Variants in SPIDR observed in about 807,000 individuals in gnomAD.
SPIDR encodes scaffold protein involved in DNA repair.
Under a neutral mutation model 104.6 loss-of-function variants are expected in SPIDR, and 93 were observed. That is an observed-to-expected ratio of 0.89 (90% CI 0.75 to 1.06). The LOEUF (loss-of-function observed/expected upper bound fraction) is 1.06. Ranked by LOEUF, SPIDR falls within the 50% of genes least tolerant of loss-of-function variation. The pLI is 0.00. For missense variants in SPIDR, 1,154 were observed against 1,111.2 expected (o/e 1.04, Z -0.55); for synonymous variants, 431 against 416.9 (o/e 1.03, Z -0.41).
At position 47,559,028 on chromosome 8, in the gene SPIDR, A is replaced by G. The variant is rs886677746; in HGVS notation, c.1098-36783A>G. On this transcript the variant is annotated intron_variant, in intron 8 of 19. Transcript: ENST00000297423. ...AAGGCAGTGATGGATCTTGTGCTGT[A>G]TCTGGCCCTTATCTGTAGATTTTAA... is the stretch of plus-strand genomic sequence containing the variant. Among the ~76,000 whole-genome samples the G allele has an allele frequency of 3.9e-5, 6 of 152,192 alleles. 1 individual carries two copies. Among genetic ancestry groups the G allele is most frequent in the African/African-American group, 1.2e-4 (5 of 41,450 alleles).
rs887806588 is a variant in SPIDR at position 47,285,927 on chromosome 8, A to G, written c.256+1833A>G. Among the ~76,000 whole-genome samples the G allele has an allele frequency of 4.6e-5, 7 of 152,250 alleles. No homozygotes were observed. In the East Asian group the frequency reaches 5.8e-4, roughly 13 times the overall value. On this transcript the variant is annotated intron_variant, in intron 3 of 19. Transcript: ENST00000297423. The stretch of plus-strand genomic sequence containing the variant: ...GTTCAGTGTGGCTAATATTTATCCT[A>G]CGGTTCCATTGGAATGAGCCTTGAT...
At chr8:47,532,144 C>T (rs555962604) in intron 8 of SPIDR, among the ~76,000 whole-genome samples, 1 of 148,658 alleles carries the variant, frequency 6.7e-6, no homozygotes, top group East Asian at 2.0e-4. Context: ...GATCTCGGCT[C>T]ACTGCAACCT....
At chr8:47,316,289 A>G (rs2045328803) in intron 5 of SPIDR, among the ~76,000 whole-genome samples, 1 of 152,242 alleles carries the variant, frequency 6.6e-6, no homozygotes, top group Admixed American at 6.5e-5. Context: ...AAAGAGTAAT[A>G]CTACCATATA....
At chr8:47,348,785 G>A (rs1229909271) in intron 5 of SPIDR, among the ~76,000 whole-genome samples, 3 of 152,122 alleles carry the variant, frequency 2.0e-5, no homozygotes, top group Non-Finnish European at 4.4e-5. Flanking sequence ...TCGTGCCGTG[G>A]CTTTCAGCTC....
intron 5 of SPIDR, among the ~76,000 whole-genome samples, chr8:47,349,731 G>A (rs2053040058): frequency 6.6e-6 from 1 of 152,238 alleles, no homozygotes; most frequent in African/African-American, 2.4e-5. Context: ...TCGGACTGCT[G>A]TGCTACCAGT....
chr8:47,290,349 A>C (rs1228314075), intron 3 of SPIDR, among the ~76,000 whole-genome samples: 1 of 152,230 alleles, frequency 6.6e-6, no homozygotes, highest in African/African-American at 2.4e-5. Flanking sequence ...GTATGGGGCC[A>C]GGAGATGGTG....
At chr8:47,381,919 T>C (rs1554645637) in intron 5 of SPIDR, among the ~76,000 whole-genome samples, 2 of 152,252 alleles carry the variant, frequency 1.3e-5, no homozygotes, top group Non-Finnish European at 2.9e-5. Context: ...GTTACCATCC[T>C]CCCTTTGTTC....
chr8:47,562,143 G>C (rs1244109326), intron 8 of SPIDR, among the ~76,000 whole-genome samples: 1 of 152,174 alleles, frequency 6.6e-6, no homozygotes, highest in South Asian at 2.1e-4. Context: ...AACAGCTATA[G>C]CCCTAGGCGT....
intron 5 of SPIDR, among the ~76,000 whole-genome samples, chr8:47,312,084 G>C (rs1391873799): frequency 6.6e-6 from 1 of 152,312 alleles, no homozygotes; most frequent in East Asian, 1.9e-4. Flanking sequence ...ATTCCATGGT[G>C]GATATGTGCC....
At chr8:47,624,054 A>C (rs953282415) in intron 10 of SPIDR, among the ~76,000 whole-genome samples, 1 of 152,236 alleles carries the variant, frequency 6.6e-6, no homozygotes, top group Non-Finnish European at 1.5e-5. Flanking sequence ...CCACAGTGCA[A>C]TCAAACTAGA....
At chr8:47,690,278 G>A (rs560743082) in intron 11 of SPIDR, among the ~76,000 whole-genome samples, 1 of 152,024 alleles carries the variant, frequency 6.6e-6, no homozygotes, top group Non-Finnish European at 1.5e-5. Flanking sequence ...TGTGTGGGGG[G>A]GGTGAGGGGT....
chr8:47,685,392 C>T (rs976486816), intron 11 of SPIDR, among the ~76,000 whole-genome samples: 5 of 151,910 alleles, frequency 3.3e-5, no homozygotes, highest in Admixed American at 6.6e-5. Context: ...ATCATTTCTT[C>T]TCTTAAAAAT....
At chr8:47,591,060 C>T (rs1186481696) in intron 8 of SPIDR, among the ~76,000 whole-genome samples, 2 of 151,952 alleles carry the variant, frequency 1.3e-5, no homozygotes, top group East Asian at 1.9e-4. Context: ...TTCTTGTAGA[C>T]GGCATATAGA....
intron 8 of SPIDR, among the ~76,000 whole-genome samples, chr8:47,525,160 G>A (rs2084779225): frequency 6.6e-6 from 1 of 152,188 alleles, no homozygotes; most frequent in Non-Finnish European, 1.5e-5. Flanking sequence ...AAAGTACAGA[G>A]CAAACTTCAG....
intron 10 of SPIDR, among the ~76,000 whole-genome samples, chr8:47,610,486 C>T (rs1265814208): frequency 6.6e-6 from 1 of 152,232 alleles, no homozygotes; most frequent in Non-Finnish European, 1.5e-5. Flanking sequence ...AGCTGAGCCA[C>T]CGCACCTTGC....
intron 6 of SPIDR, among the ~76,000 whole-genome samples, chr8:47,399,050 C>G (rs1157579066): frequency 1.3e-5 from 2 of 152,210 alleles, no homozygotes; most frequent in Non-Finnish European, 2.9e-5. Context: ...CGATGGAACT[C>G]TGGAGAAGTT....
chr8:47,516,689 T>C (rs1388513320), intron 8 of SPIDR, among the ~76,000 whole-genome samples: 5 of 152,212 alleles, frequency 3.3e-5, no homozygotes, highest in African/African-American at 9.6e-5. Context: ...CTGTGAAATA[T>C]TAGGTTTGTT....
At chr8:47,661,029 C>G in intron 10 of SPIDR, 2 of 939,422 alleles carry the variant, frequency 2.1e-6, no homozygotes, top group Non-Finnish European at 2.5e-6. Flanking sequence ...GTGTCCGTGT[C>G]CATTCGTGTC....
At chr8:47,392,005 A>G (rs1362430724) in intron 5 of SPIDR, among the ~76,000 whole-genome samples, 1 of 151,192 alleles carries the variant, frequency 6.6e-6, no homozygotes, top group Middle Eastern at 3.2e-3. Context: ...CAAAAAAAAA[A>G]AAAAAAAAGA....
Sources: gnomAD v4.1 joint callset for allele counts (sites outside exome capture counted in the v4.1 genomes callset) on GRCh38, gnomAD v4.1.1 for gene constraint, MANE v1.5 for transcripts, NCBI Gene and HGNC (gene_info 2026-07-23, HGNC 2026-07-21) for gene names.